Variants in UBE2R2 observed in about 807,000 individuals in gnomAD.
The protein encoded by UBE2R2 is ubiquitin-conjugating enzyme E2 R2.
A neutral mutation model predicts 27.8 loss-of-function variants in UBE2R2; 1 was observed. That is an observed-to-expected ratio of 0.04 (90% CI 0.01 to 0.17). The LOEUF (loss-of-function observed/expected upper bound fraction) is 0.17, where lower values mean the gene tolerates loss of function less well. Ranked by LOEUF, UBE2R2 falls within the 10% of genes least tolerant of loss-of-function variation. The pLI is 1.00. For synonymous variants in UBE2R2, 106 were observed against 113.3 expected (o/e 0.94, Z 0.41); for missense variants, 100 against 291.0 (o/e 0.34, Z 4.78).
intron 1 of UBE2R2, among the ~76,000 whole-genome samples, chr9:33,884,559 T>C (rs1821815458): frequency 6.6e-6 from 1 of 152,128 alleles, no homozygotes; most frequent in African/African-American, 2.4e-5. Flanking sequence ...ATTACAGGCA[T>C]GAGCCACCAC....
intron 2 of UBE2R2, among the ~76,000 whole-genome samples, chr9:33,897,319 TC>T (rs1822135232): frequency 1.2e-5 from 1 of 86,912 alleles, no homozygotes; most frequent in South Asian, 5.0e-4. Context: ...TCAGAAAAAC[TC>T]TTTTTTTTTT....
At chr9:33,887,638 G>A (rs1821890274) in intron 2 of UBE2R2, among the ~76,000 whole-genome samples, 1 of 148,380 alleles carries the variant, frequency 6.7e-6, no homozygotes, top group African/African-American at 2.5e-5. Flanking sequence ...TATTCTATAA[G>A]TGTGCTTTTT....
At position 33,881,901 on chromosome 9, in the gene UBE2R2, G is replaced by A. The variant is rs115013352; in HGVS notation, c.178-4980G>A. Among the ~76,000 whole-genome samples, 1,264 of 152,190 alleles carry A rather than the reference G, an allele frequency of 8.3e-3. 15 individuals carry two copies. Among genetic ancestry groups the A allele is most frequent in the African/African-American group, 0.028 (1,161 of 41,504 alleles). On this transcript the variant is annotated intron_variant, in intron 1 of 4. Coordinates refer to ENST00000263228, the MANE Select transcript of UBE2R2 (RefSeq NM_017811.4). ...GTCATTAAATCCAGCCCACACTCTA[G>A]GAAAGGGGAATTCAACTTCACCACC... is the stretch of plus-strand genomic sequence containing the variant.
At chr9:33,899,754 C>T (rs1822204489) in intron 2 of UBE2R2, among the ~76,000 whole-genome samples, 1 of 151,854 alleles carries the variant, frequency 6.6e-6, no homozygotes, top group South Asian at 2.1e-4. Context: ...CCGCCTTGGC[C>T]TCCCAAGTGC....
chr9:33,843,257 C>T (rs1820770347), intron 1 of UBE2R2, among the ~76,000 whole-genome samples: 2 of 151,356 alleles, frequency 1.3e-5, no homozygotes, highest in Admixed American at 1.3e-4. Context: ...CCATGTTGGC[C>T]AGGCTGGTCT....
chr9:33,914,851 A>G (rs562959908), intron 4 of UBE2R2, among the ~76,000 whole-genome samples: 2 of 151,728 alleles, frequency 1.3e-5, no homozygotes, highest in Non-Finnish European at 2.9e-5. Context: ...AAAAAAAGAC[A>G]GTCAGCTGGG....
intron 1 of UBE2R2, among the ~76,000 whole-genome samples, chr9:33,869,175 A>G (rs892725856): frequency 1.3e-5 from 2 of 152,010 alleles, no homozygotes; most frequent in African/African-American, 4.8e-5. Context: ...AGGCTGAGGT[A>G]GGAGGATTGC....
chr9:33,833,677 A>G (rs1305258817), intron 1 of UBE2R2, among the ~76,000 whole-genome samples: 1 of 152,230 alleles, frequency 6.6e-6, no homozygotes, highest in Non-Finnish European at 1.5e-5. Context: ...CATTTTTAAG[A>G]GTACAGTTCA....
intron 1 of UBE2R2, among the ~76,000 whole-genome samples, chr9:33,852,294 G>C (rs1820984848): frequency 1.3e-5 from 2 of 152,178 alleles, no homozygotes; most frequent in African/African-American, 2.4e-5. Context: ...CTGTGTGATA[G>C]AGCAGACCCC....
chr9:33,827,416 G>A (rs559685522), intron 1 of UBE2R2, among the ~76,000 whole-genome samples: 102 of 152,024 alleles, frequency 6.7e-4, no homozygotes, highest in African/African-American at 2.2e-3. Flanking sequence ...CAAAGCGGGC[G>A]AATCACTTGA....
intron 1 of UBE2R2, among the ~76,000 whole-genome samples, chr9:33,827,154 CGCTG>C (rs1820332760): frequency 6.6e-6 from 1 of 151,626 alleles, no homozygotes; most frequent in East Asian, 2.0e-4. Context: ...TATTTTTTGA[CGCTG>C]TTCGAATAAA....
At chr9:33,877,514 C>T (rs1418081478) in intron 1 of UBE2R2, among the ~76,000 whole-genome samples, 2 of 151,872 alleles carry the variant, frequency 1.3e-5, no homozygotes, top group Non-Finnish European at 2.9e-5. Flanking sequence ...GGTCAAAAAG[C>T]TGAAAGTTCA....
intron 2 of UBE2R2, among the ~76,000 whole-genome samples, chr9:33,899,637 T>C (rs951953367): frequency 2.6e-5 from 4 of 152,096 alleles, no homozygotes; most frequent in Admixed American, 2.6e-4. Flanking sequence ...TCTCCCAAAG[T>C]GCTGGGATTA....
At chr9:33,880,306 A>G (rs115093509) in intron 1 of UBE2R2, among the ~76,000 whole-genome samples, 1,712 of 152,272 alleles carry the variant, frequency 0.011, 41 homozygotes, top group African/African-American at 0.039. Flanking sequence ...GGTGTATGTT[A>G]CAGATTTTCA....
chr9:33,841,829 C>A (rs56270678), intron 1 of UBE2R2, among the ~76,000 whole-genome samples: 30,245 of 152,028 alleles, frequency 0.2, 3,650 homozygotes, highest in East Asian at 0.59. Flanking sequence ...ACACAGTAGT[C>A]TCAGAATAGC....
intron 2 of UBE2R2, among the ~76,000 whole-genome samples, chr9:33,889,098 C>T (rs1327540662): frequency 6.6e-6 from 1 of 152,076 alleles, no homozygotes; most frequent in Non-Finnish European, 1.5e-5. Context: ...CATTATCTTC[C>T]TTTTGTAGGA....
At chr9:33,881,759 G>A (rs1486655370) in intron 1 of UBE2R2, among the ~76,000 whole-genome samples, 4 of 152,178 alleles carry the variant, frequency 2.6e-5, no homozygotes, top group African/African-American at 9.7e-5. Context: ...GGGAGGTCAT[G>A]ATACCAATAT....
chr9:33,822,094 A>T (rs868521883), intron 1 of UBE2R2, among the ~76,000 whole-genome samples: 2,092 of 139,766 alleles, frequency 0.015, 25 homozygotes, highest in African/African-American at 0.032. Flanking sequence ...ATATATATAT[A>T]TATTTTTTTT....
intron 1 of UBE2R2, among the ~76,000 whole-genome samples, chr9:33,862,318 G>A (rs761205482): frequency 6.4e-4 from 97 of 152,086 alleles, no homozygotes; most frequent in Admixed American, 4.7e-3. Context: ...AACCCCATTC[G>A]GTTGTCATAC....
Sources: gnomAD v4.1 joint callset for allele counts (sites outside exome capture counted in the v4.1 genomes callset) on GRCh38, gnomAD v4.1.1 for gene constraint, MANE v1.5 for transcripts, NCBI Gene and HGNC (gene_info 2026-07-23, HGNC 2026-07-21) for gene names.